Variants in STIL observed in about 807,000 individuals in gnomAD.
The protein encoded by STIL is SCL-interrupting locus protein.
Under a neutral mutation model 110.1 loss-of-function variants are expected in STIL, and 55 were observed. The observed-to-expected ratio is 0.50, with a 90% CI of 0.40 to 0.63. The LOEUF is 0.63. STIL is among the 20% of genes least tolerant of loss of function. The pLI, the probability that STIL is intolerant of heterozygous loss-of-function variation, is 0.00. For missense variants in STIL, 1,358 were observed against 1,530.0 expected, an observed-to-expected ratio of 0.89 and a Z score of 1.87; for synonymous variants, 481 against 530.0, an observed-to-expected ratio of 0.91 and a Z score of 1.27.
At chr1:47,313,041 A>G (rs966297146) in intron 1 of STIL, 36 of 152,192 alleles carry the variant, frequency 2.4e-4, no homozygotes, top group African/African-American at 8.7e-4. Context: ...TCAATGGCTC[A>G]TGTCAGGGGC....
chr1:47,308,297 G>C (rs1040525293), intron 2 of STIL, among the ~76,000 whole-genome samples: 1 of 151,456 alleles, frequency 6.6e-6, no homozygotes, highest in African/African-American at 2.4e-5. Context: ...TCTCTCTTTT[G>C]TACTCTGTCC....
intron 6 of STIL, among the ~76,000 whole-genome samples, chr1:47,298,439 A>C (rs1645703611): frequency 6.6e-6 from 1 of 152,202 alleles, no homozygotes; most frequent in South Asian, 2.1e-4. Context: ...GCTGGAGAGG[A>C]TTCTACTCCA....
intron 2 of STIL, among the ~76,000 whole-genome samples, 167 bp downstream of exon 2, chr1:47,310,109 T>C (rs2149274194): frequency 6.6e-6 from 1 of 152,314 alleles, no homozygotes; most frequent in Middle Eastern, 3.4e-3. Flanking sequence ...GAACTGAGGC[T>C]TAGTTAATTA....
chr1:47,263,754 T>G (rs1240313649), intron 14 of STIL, among the ~76,000 whole-genome samples: 1 of 138,820 alleles, frequency 7.2e-6, no homozygotes, highest in East Asian at 2.1e-4. Flanking sequence ...GTTTTTTTTT[T>G]TTTTTTTTTT....
rs373165246 is a variant in STIL, at chr1:47,310,341, T to C, written c.-22A>G. 6.2e-6 allele frequency: 10 copies of C among 1,610,660 alleles called. No individual in the cohort carries two copies. Among genetic ancestry groups the C allele is most frequent in the Admixed American group, 1.7e-5 (1 of 59,970 alleles). ...CCATGATGTCTGGTGAATGATTTCT[T>C]TAATTCCAAATCCTCAGTATCCTAA... On this transcript the variant is annotated 5_prime_UTR_variant, in exon 2 of 17. Transcript: ENST00000371877.
intron 10 of STIL, chr1:47,282,666 T>C (rs1366022353): frequency 3.9e-6 from 2 of 517,762 alleles, no homozygotes; most frequent in Non-Finnish European, 7.0e-6. Context: ...CTACCCTATT[T>C]ACCTGATGAT....
At chr1:47,276,735 G>A (rs561013422) in intron 12 of STIL, among the ~76,000 whole-genome samples, 2 of 146,550 alleles carry the variant, frequency 1.4e-5, no homozygotes, top group South Asian at 2.2e-4. Flanking sequence ...CTTCAACCCC[G>A]GGGGGCAGAT....
chr1:47,293,323 GTTTTTTCTTAATGTACGTGT>G (rs1253899147), intron 8 of STIL, 115 bp downstream of exon 8: 1 of 672,080 alleles, frequency 1.5e-6, no homozygotes, highest in African/African-American at 1.8e-5. Context: ...TATAAGGTTT[GTTTTTTCTTAATGTACGTGT>G]TTATTTATAA....
intron 9 of STIL, 68 bp downstream of exon 9, chr1:47,289,367 T>C: frequency 1.5e-6 from 2 of 1,341,118 alleles, no homozygotes; most frequent in Non-Finnish European, 2.1e-6. Context: ...TAAAAGCTGT[T>C]GGGTTTAAAC....
intron 14 of STIL, among the ~76,000 whole-genome samples, chr1:47,269,328 C>A (rs560463182): frequency 1.3e-5 from 2 of 151,946 alleles, no homozygotes; most frequent in African/African-American, 4.8e-5. Flanking sequence ...GAAAATATAT[C>A]ATTTCTGAGT....
intron 14 of STIL, among the ~76,000 whole-genome samples, chr1:47,267,697 T>A (rs1644693978): frequency 9.9e-6 from 1 of 101,504 alleles, no homozygotes; most frequent in East Asian, 2.3e-4. Context: ...AAAATTTACT[T>A]TAGAATCCGT....
In STIL at chr1:47,259,650, A is replaced by G. The variant is rs771791167; in HGVS notation, c.3080+639T>C. On this transcript the variant is annotated intron_variant, in intron 16 of 16. Transcript: ENST00000371877. ...TGGGGAGTTGTGGCTTTTGCATTTT[A>G]TCTTACACTCTCTTCTGTATTGTTT... 8.5e-5 allele frequency among the ~76,000 whole-genome samples: 13 copies of G among 152,134 alleles called. 1 individual carries two copies. Among genetic ancestry groups the G allele is most frequent in the Admixed American group, 6.5e-4 (10 of 15,276 alleles).
intron 12 of STIL, among the ~76,000 whole-genome samples, chr1:47,273,652 T>C (rs978020820): frequency 6.6e-6 from 1 of 152,244 alleles, no homozygotes; most frequent in Non-Finnish European, 1.5e-5. Context: ...ATAATGCTAC[T>C]TGGACATTTA....
Position 47,295,748 on chromosome 1 carries a change from A to G in STIL, c.785+17T>C. ...ACATTTGGCTGATAAGGTTTTCATAAATAATGTAATACTTACATTCCCACC... is the reference window on the plus strand; with the variant it reads ...ACATTTGGCTGATAAGGTTTTCATAGATAATGTAATACTTACATTCCCACC... On this transcript the variant is annotated intron_variant, in intron 7 of 16. Coordinates refer to ENST00000371877, the MANE Select transcript of STIL (RefSeq NM_001048166.1). The G allele has an allele frequency of 1.3e-6, 2 of 1,554,280 alleles. No individual in the cohort carries two copies. The highest frequency in any genetic ancestry group is 1.8e-6 in the Non-Finnish European group (2 of 1,126,382).
intron 10 of STIL, chr1:47,282,756 T>C (rs1015149846): frequency 2.1e-4 from 70 of 329,954 alleles, no homozygotes; most frequent in African/African-American, 1.3e-3. Context: ...TCGATAAATA[T>C]AGAAACAAGT....
chr1:47,282,879 T>C (rs1327133058), intron 10 of STIL: 2 of 170,260 alleles, frequency 1.2e-5, no homozygotes, highest in Non-Finnish European at 2.5e-5. Flanking sequence ...GAATTATATT[T>C]TCCTATGTAC....
chr1:47,291,627 G>A (rs1645493420), intron 8 of STIL, among the ~76,000 whole-genome samples: 2 of 151,670 alleles, frequency 1.3e-5, no homozygotes, highest in Non-Finnish European at 2.9e-5. Flanking sequence ...GTGTAGTGGT[G>A]CGATCTCAGC....
At chr1:47,269,496 T>C (rs1053087344) in intron 14 of STIL, 139 bp downstream of exon 14, 1 of 660,888 alleles carries the variant, frequency 1.5e-6, no homozygotes, top group Non-Finnish European at 2.6e-6. Flanking sequence ...GTGATAGATT[T>C]GTTGGTCTGA....
At chr1:47,292,393 G>C (rs372433456) in intron 8 of STIL, among the ~76,000 whole-genome samples, 1 of 151,866 alleles carries the variant, frequency 6.6e-6, no homozygotes, top group Non-Finnish European at 1.5e-5. Flanking sequence ...CTTTGGCCTA[G>C]AAAAAAACAC....
Sources: allele counts gnomAD v4.1 joint callset (sites outside exome capture counted in the v4.1 genomes callset), GRCh38; gene constraint gnomAD v4.1.1; transcripts MANE v1.5; gene names NCBI Gene and HGNC (gene_info 2026-07-23, HGNC 2026-07-21).